Variants in RAB8A observed in about 807,000 individuals in gnomAD.
RAB8A encodes RAB8A, member RAS oncogene family.
In RAB8A, 5 loss-of-function variants were observed where a neutral mutation model predicts 29.2. That is an observed-to-expected ratio of 0.17 (90% confidence interval 0.09 to 0.36). The LOEUF (loss-of-function observed/expected upper bound fraction) is 0.36. RAB8A is among the 10% of genes least tolerant of loss of function. The pLI, the probability that RAB8A is intolerant of heterozygous loss-of-function variation, is 1.00. For synonymous variants in RAB8A, 108 were observed against 99.9 expected, an observed-to-expected ratio of 1.08 and a Z score of -0.49; for missense variants, 171 against 272.2, an observed-to-expected ratio of 0.63 and a Z score of 2.62.
intron 1 of RAB8A, among the ~76,000 whole-genome samples, chr19:16,116,935 T>G (rs377755863): frequency 4.0e-5 from 6 of 150,856 alleles, no homozygotes; most frequent in African/African-American, 1.2e-4. Flanking sequence ...AGTTTCCCCA[T>G]GTGCCCCCCC....
intron 1 of RAB8A, among the ~76,000 whole-genome samples, chr19:16,117,220 G>A (rs574051599): frequency 1.8e-3 from 275 of 152,198 alleles, no homozygotes; most frequent in Non-Finnish European, 3.4e-3. Flanking sequence ...CGGGTGCGGT[G>A]GCTGATGCCT....
chr19:16,123,946 T>C (rs1432150567), intron 3 of RAB8A: 1 of 151,954 alleles, frequency 6.6e-6, no homozygotes, highest in Non-Finnish European at 1.5e-5. Context: ...TTCTGCTTGA[T>C]TCTAAGAGAG....
In RAB8A at chr19:16,125,674, G is replaced by GAT. The variant is rs775416990; in HGVS notation, c.324+127_324+128insAT. ...CACTTGCCCACAGCCTCCTAGTCAG[G>GAT]GACATGGTGGGAGCAGGGACTGAGA... is the stretch of plus-strand genomic sequence containing the variant. On this transcript the variant is annotated intron_variant, in intron 4 of 7. Transcript: ENST00000300935. The surrounding 1 kb of genome is among the most constrained non-coding windows in gnomAD (Gnocchi z 5.0). The GAT allele has an allele frequency of 7.2e-5, 64 of 889,956 alleles. No homozygotes were observed. Among genetic ancestry groups the GAT allele is most frequent in the Non-Finnish European group, 1.1e-4 (59 of 549,538 alleles). 55.1% of individuals were successfully genotyped at this position (889,956 alleles called of 1,614,324 possible).
intron 2 of RAB8A, among the ~76,000 whole-genome samples, chr19:16,120,922 C>CAT (rs1555713871): frequency 7.0e-6 from 1 of 142,456 alleles, no homozygotes; most frequent in Non-Finnish European, 1.5e-5. Flanking sequence ...GTTAGGTTAC[C>CAT]TTTTTTTTTT....
chr19:16,114,056 G>T (rs1209698410), intron 1 of RAB8A, among the ~76,000 whole-genome samples: 1 of 152,062 alleles, frequency 6.6e-6, no homozygotes, highest in Non-Finnish European at 1.5e-5. Flanking sequence ...AACCAATCAA[G>T]AAGTGGCGTT....
intron 2 of RAB8A, among the ~76,000 whole-genome samples, chr19:16,120,922 C>A (rs1212630984): frequency 7.0e-6 from 1 of 142,456 alleles, no homozygotes. Flanking sequence ...GTTAGGTTAC[C>A]TTTTTTTTTT....
chr19:16,129,050 C>T (rs538290238), intron 6 of RAB8A, among the ~76,000 whole-genome samples: 35 of 152,316 alleles, frequency 2.3e-4, no homozygotes, highest in African/African-American at 8.2e-4. Flanking sequence ...GCAAGGACTC[C>T]GAGTGAAGCT....
In RAB8A at chr19:16,111,897, G is replaced by A; in HGVS notation, c.-5G>A. On this transcript the variant is annotated 5_prime_UTR_variant, in exon 1 of 8. Coordinates refer to ENST00000300935, the MANE Select transcript of RAB8A (RefSeq NM_005370.5). Reference sequence around the variant, plus strand: ...CCGCACTTCCCGTCGGGGAGAGAGTGTAATATGGCGAAGACCTACGATTAC... The same window carrying A: ...CCGCACTTCCCGTCGGGGAGAGAGTATAATATGGCGAAGACCTACGATTAC... 1 of 1,613,998 alleles carries A rather than the reference G, an allele frequency of 6.2e-7. No individual in the cohort carries two copies. The highest frequency in any genetic ancestry group is 8.5e-7 in the Non-Finnish European group (1 of 1,179,878).
At chr19:16,112,103 C>T in intron 1 of RAB8A, 78 bp downstream of exon 1, 2 of 1,571,900 alleles carry the variant, frequency 1.3e-6, no homozygotes, top group East Asian at 2.2e-5. Context: ...GCTGAGGGAT[C>T]TACAGGGCTG....
In RAB8A at chr19:16,125,436, C is replaced by T. The variant is rs781097169; in HGVS notation, c.247-34C>T. 7.2e-5 allele frequency: 115 copies of T among 1,589,566 alleles called. No individual in the cohort carries two copies. Among genetic ancestry groups the T allele is most frequent in the Admixed American group, 8.4e-5 (5 of 59,712 alleles). On this transcript the variant is annotated intron_variant, in intron 3 of 7. Coordinates refer to ENST00000300935, the MANE Select transcript of RAB8A (RefSeq NM_005370.5). This position sits in a 1 kb window ranked among gnomAD's most constrained non-coding sequence, Gnocchi z 5.0. Reference sequence around the variant, plus strand: ...AGGCCTCCCTTCCAGAGCCTGCAGCCGATCAGGCACCTGTGTCTTCTCTCC... The same window carrying T: ...AGGCCTCCCTTCCAGAGCCTGCAGCTGATCAGGCACCTGTGTCTTCTCTCC...
chr19:16,119,001 C>CA (rs1156673237), intron 2 of RAB8A, among the ~76,000 whole-genome samples: 4 of 152,194 alleles, frequency 2.6e-5, no homozygotes, highest in African/African-American at 7.2e-5. Flanking sequence ...CTGAGCAAAA[C>CA]AAAGAGAAGT....
intron 6 of RAB8A, 150 bp from the exon 7 acceptor site, chr19:16,129,404 G>T (rs2090915669): frequency 2.7e-6 from 2 of 739,832 alleles, no homozygotes; most frequent in Non-Finnish European, 4.8e-6. Flanking sequence ...GGCCGGACAG[G>T]CCAGATGAAC....
chr19:16,124,996 GGACTT>G, intron 3 of RAB8A: 6 of 182,770 alleles, frequency 3.3e-5, no homozygotes, highest in South Asian at 2.4e-4. Flanking sequence ...TGTCGGGTCA[GGACTT>G]CCTGGGCTCA....
chr19:16,125,013 T>TCAAAAA lies in RAB8A; in HGVS notation c.247-457_247-456insCAAAAA. ...TCGGGTCAGGACTTCCTGGGCTCAGTTGTGCCTGGTAGGTGGCTCAGGCAG... is the reference window on the plus strand; with the variant it reads ...TCGGGTCAGGACTTCCTGGGCTCAGTCAAAAATGTGCCTGGTAGGTGGCTCAGGCAG... On this transcript the variant is annotated intron_variant, in intron 3 of 7. Transcript: ENST00000300935. The surrounding 1 kb of genome is among the most constrained non-coding windows in gnomAD (Gnocchi z 5.0). 5.1e-6 allele frequency: 1 copy of TCAAAAA among 196,910 alleles called. No individual in the cohort carries two copies. The highest frequency in any genetic ancestry group is 9.0e-5 in the South Asian group (1 of 11,116). 12.2% of individuals were successfully genotyped at this position (196,910 alleles called of 1,614,324 possible). A position where few individuals can be genotyped will look rare whatever the true frequency, so the allele number is the denominator to read the frequency against.
rs761690162 is a variant in RAB8A at position 16,132,189 on chromosome 19, CA to C, written c.532-22del. ...TAGTGCTGATTCTCAGTGATAACCTCAGAAAACCTCTTGTGATTTCAGGAAG... is the reference window on the plus strand; with the variant it reads ...TAGTGCTGATTCTCAGTGATAACCTCGAAAACCTCTTGTGATTTCAGGAAG... On this transcript the variant is annotated intron_variant, in intron 7 of 7. Transcript: ENST00000300935. This position sits in a 1 kb window ranked among gnomAD's most constrained non-coding sequence, Gnocchi z 5.6. The C allele has an allele frequency of 7.6e-6, 12 of 1,576,524 alleles. No individual in the cohort carries two copies. The highest frequency in any genetic ancestry group is 1.7e-5 in the Admixed American group (1 of 59,942).
chr19:16,119,202 C>CA (rs1555713733), intron 2 of RAB8A, among the ~76,000 whole-genome samples: 3 of 151,538 alleles, frequency 2.0e-5, no homozygotes, highest in Non-Finnish European at 4.4e-5. Flanking sequence ...TTCACCTCTT[C>CA]TTTTTTTTTC....
rs2090908093 is a variant in RAB8A at position 16,127,696 on chromosome 19, C to T, written c.414+170C>T. ...ACACCCAGCCGGGGCTTCTTGGGTG[C>T]ACTCTGCGGGCATCTCATCAAAACC... is the stretch of plus-strand genomic sequence containing the variant. On this transcript the variant is annotated intron_variant, in intron 5 of 7. Transcript: ENST00000300935. This position sits in a 1 kb window ranked among gnomAD's most constrained non-coding sequence, Gnocchi z 4.8. 1.6e-6 allele frequency: 1 copy of T among 612,288 alleles called. No individual in the cohort carries two copies. The highest frequency in any genetic ancestry group is 2.8e-6 in the Non-Finnish European group (1 of 351,892). The allele number at this position is 612,288 out of a possible 1,614,324, so 37.9% of individuals were successfully genotyped here.
chr19:16,115,019 A>T (rs925839430), intron 1 of RAB8A, among the ~76,000 whole-genome samples: 3 of 151,464 alleles, frequency 2.0e-5, no homozygotes, highest in Non-Finnish European at 4.4e-5. Context: ...GTGCTCCTCG[A>T]TTTTTTGTGT....
Position 16,121,789 on chromosome 19 carries a change from G to A in RAB8A, c.225G>A (p.Thr75=), listed in dbSNP as rs374752844. The change falls in exon 3 of 8, where the codon ACG becomes ACA. Residue 75 remains threonine, a synonymous_variant. Coordinates refer to ENST00000300935, the MANE Select transcript of RAB8A (RefSeq NM_005370.5). ...AGQERFRTIT[T]AYYRGAMGIM... The stretch of plus-strand genomic sequence containing the variant: ...AGGAACGGTTTCGGACGATCACAAC[G>A]GCCTACTACAGGGGTGCAATGGTAG... 47 of 1,613,822 alleles carry A rather than the reference G, an allele frequency of 2.9e-5. No homozygotes were observed. Among genetic ancestry groups the A allele is most frequent in the South Asian group, 2.0e-4 (18 of 91,074 alleles).
Sources: gnomAD v4.1 joint callset for allele counts (sites outside exome capture counted in the v4.1 genomes callset) on GRCh38, gnomAD v4.1.1 for gene constraint, Gnocchi (gnomAD v3.1) non-coding constraint, MANE v1.5 for transcripts, NCBI Gene and HGNC (gene_info 2026-07-23, HGNC 2026-07-21) for gene names.